The following RBM47 variants were observed in gnomAD, a reference collection of about 807,000 sequenced individuals.
RBM47 encodes RNA-binding protein 47.
RBM47 carries 21 observed loss-of-function variants against 47.1 expected under a neutral mutation model. The ratio of observed to expected loss-of-function variants is 0.45; its 90% confidence interval spans 0.32 to 0.64. RBM47 has a LOEUF of 0.64. RBM47 is among the 30% of genes least tolerant of loss of function. RBM47 has a pLI of 0.05. For synonymous variants in RBM47, 375 were observed against 361.7 expected, an observed-to-expected ratio of 1.04 and a Z score of -0.42; for missense variants, 708 against 870.9, an observed-to-expected ratio of 0.81 and a Z score of 2.35.
At chr4:40,443,523 G>C (rs1713998651) in intron 3 of RBM47, among the ~76,000 whole-genome samples, 1 of 151,744 alleles carries the variant, frequency 6.6e-6, no homozygotes, top group Admixed American at 6.6e-5. Context: ...TTCGAGACCA[G>C]CCTGACCAAC....
At chr4:40,474,962 T>C (rs1402842510) in intron 2 of RBM47, among the ~76,000 whole-genome samples, 1 of 152,222 alleles carries the variant, frequency 6.6e-6, no homozygotes, top group African/African-American at 2.4e-5. Context: ...ATTGCTCCAC[T>C]GCCAGACAGA....
intron 1 of RBM47, among the ~76,000 whole-genome samples, chr4:40,557,812 G>C (rs1031559729): frequency 6.6e-6 from 1 of 152,178 alleles, no homozygotes; most frequent in Non-Finnish European, 1.5e-5. Context: ...AAAAATCAGA[G>C]GTTCCTCAGC....
Position 40,626,785 on chromosome 4 carries a change from C to T in RBM47, c.-240+2611G>A, listed in dbSNP as rs144782122. 4.0e-3 allele frequency among the ~76,000 whole-genome samples: 603 copies of T among 152,256 alleles called. 5 individuals carry two copies. The highest frequency in any genetic ancestry group is 0.013 in the African/African-American group (559 of 41,554). The stretch of plus-strand genomic sequence containing the variant: ...GCAATCAGAACTCCAGCTCAGACGA[C>T]CTCAGGAGTTTTACCAACAGGATGA... On this transcript the variant is annotated intron_variant, in intron 1 of 6. Transcript: ENST00000295971.
intron 2 of RBM47, among the ~76,000 whole-genome samples, chr4:40,521,393 GT>G (rs367658504): frequency 2.6e-5 from 4 of 152,146 alleles, no homozygotes; most frequent in African/African-American, 9.6e-5. Context: ...TAGAGATGGG[GT>G]TTCACCATGT....
chr4:40,619,270 A>C, intron 1 of RBM47, among the ~76,000 whole-genome samples: 1 of 152,126 alleles, frequency 6.6e-6, no homozygotes, highest in East Asian at 1.9e-4. Context: ...CTCTACAAAA[A>C]AATCAAAGAA....
intron 2 of RBM47, among the ~76,000 whole-genome samples, chr4:40,535,371 C>CTTTTTTTTTTTTTTTTCTTTTT (rs1727841452): frequency 2.9e-5 from 3 of 103,434 alleles, no homozygotes; most frequent in African/African-American, 1.3e-4. Flanking sequence ...TATGGTATTT[C>CTTTTTTTTTTTTTTTTCTTTTT]TTTTTTTTTT....
At chr4:40,572,085 T>C (rs1268459596) in intron 1 of RBM47, among the ~76,000 whole-genome samples, 1 of 121,870 alleles carries the variant, frequency 8.2e-6, no homozygotes, top group Non-Finnish European at 1.6e-5. Flanking sequence ...CAAAAACTAC[T>C]GGAAAAAAAA....
intron 2 of RBM47, among the ~76,000 whole-genome samples, chr4:40,509,412 T>C (rs1724563429): frequency 6.6e-6 from 1 of 152,130 alleles, no homozygotes; most frequent in Non-Finnish European, 1.5e-5. Context: ...CCAAAGCACA[T>C]TCTTCTTGGT....
chr4:40,519,041 A>AAT (rs1264310214), intron 2 of RBM47, among the ~76,000 whole-genome samples: 1 of 148,208 alleles, frequency 6.7e-6, no homozygotes, highest in African/African-American at 2.6e-5. Context: ...TAAAAAAAAA[A>AAT]ATATAAAAAA....
At chr4:40,621,661 AG>A (rs1254901879) in intron 1 of RBM47, among the ~76,000 whole-genome samples, 86 of 152,386 alleles carry the variant, frequency 5.6e-4, no homozygotes, top group African/African-American at 1.9e-3. Context: ...AAATGACAGT[AG>A]AAAAGGTGAT....
chr4:40,604,276 C>T (rs1343996467), intron 1 of RBM47, among the ~76,000 whole-genome samples: 1 of 152,130 alleles, frequency 6.6e-6, no homozygotes, highest in African/African-American at 2.4e-5. Flanking sequence ...TGAGCTGGTC[C>T]TAGCAAAGGA....
chr4:40,527,834 G>C (rs921502363), intron 2 of RBM47, among the ~76,000 whole-genome samples: 2 of 151,822 alleles, frequency 1.3e-5, no homozygotes, highest in Non-Finnish European at 2.9e-5. Context: ...TCCAAACCTG[G>C]AAGAATCTTC....
intron 1 of RBM47, among the ~76,000 whole-genome samples, chr4:40,553,027 G>C (rs1187363880): frequency 1.3e-5 from 2 of 151,494 alleles, no homozygotes; most frequent in African/African-American, 4.8e-5. Flanking sequence ...GAGTGCAGTG[G>C]CACGATCTTG....
intron 2 of RBM47, among the ~76,000 whole-genome samples, chr4:40,531,053 C>G (rs1357783028): frequency 6.6e-6 from 1 of 152,242 alleles, no homozygotes; most frequent in South Asian, 2.1e-4. Flanking sequence ...GAGCCATGAT[C>G]GCGGCAGTGC....
intron 3 of RBM47, among the ~76,000 whole-genome samples, chr4:40,462,783 C>T (rs1040248891): frequency 1.4e-4 from 21 of 151,778 alleles, no homozygotes; most frequent in Non-Finnish European, 2.5e-4. Context: ...CTTTACCTTA[C>T]ACTATATATA....
chr4:40,447,722 T>TA (rs1714745140), intron 3 of RBM47, among the ~76,000 whole-genome samples: 1 of 146,646 alleles, frequency 6.8e-6, no homozygotes, highest in Admixed American at 6.7e-5. Flanking sequence ...ACTAAAAATT[T>TA]AAAACAGGCC....
chr4:40,517,782 G>T (rs778329058), intron 2 of RBM47, among the ~76,000 whole-genome samples: 5 of 152,144 alleles, frequency 3.3e-5, no homozygotes, highest in Non-Finnish European at 5.9e-5. Context: ...TCTTTTTCTT[G>T]TCATTATTCC....
intron 1 of RBM47, among the ~76,000 whole-genome samples, chr4:40,597,150 C>T (rs1734827799): frequency 6.6e-6 from 1 of 152,042 alleles, no homozygotes; most frequent in Admixed American, 6.6e-5. Flanking sequence ...GTCCCGGCTA[C>T]TTGGGAGACT....
intron 2 of RBM47, among the ~76,000 whole-genome samples, chr4:40,519,214 A>C (rs1177967587): frequency 6.6e-6 from 1 of 151,994 alleles, no homozygotes; most frequent in Admixed American, 6.6e-5. Flanking sequence ...TTGTCCTTAA[A>C]AAAAATAAAA....
Sources: gnomAD v4.1 joint callset for allele counts (sites outside exome capture counted in the v4.1 genomes callset) on GRCh38, gnomAD v4.1.1 for gene constraint, MANE v1.5 for transcripts, NCBI Gene and HGNC (gene_info 2026-07-23, HGNC 2026-07-21) for gene names.